Variants in HOOK3 observed in about 807,000 individuals in gnomAD.
HOOK3 encodes hook microtubule tethering protein 3, also known as protein Hook homolog 3.
HOOK3 carries 24 observed loss-of-function variants against 116.3 expected under a neutral mutation model. The observed-to-expected ratio is 0.21, with a 90% CI of 0.15 to 0.29. The LOEUF (loss-of-function observed/expected upper bound fraction) is 0.29, where lower values mean the gene tolerates loss of function less well. Among genes scored for constraint, HOOK3 ranks in the 10% least tolerant of loss-of-function variants. HOOK3 has a pLI of 1.00. For synonymous variants in HOOK3, 275 were observed against 283.0 expected (o/e 0.97, Z 0.28); for missense variants, 632 against 830.2 (o/e 0.76, Z 2.93).
At chr8:43,004,904 T>C (rs987075127) in intron 17 of HOOK3, among the ~76,000 whole-genome samples, 1 of 151,962 alleles carries the variant, frequency 6.6e-6, no homozygotes, top group African/African-American at 2.4e-5. Context: ...CCTAGAAATA[T>C]TGTCCGTGCA....
Position 43,025,687 on chromosome 8 carries a change from G to A in HOOK3, c.*7189G>A, listed in dbSNP as rs934098019. The A allele has an allele frequency of 2.3e-5, 5 of 213,928 alleles. No individual in the cohort carries two copies. The highest frequency in any genetic ancestry group is 6.8e-5 in the African/African-American group (3 of 44,240). 13.3% of individuals were successfully genotyped at this position (213,928 alleles called of 1,614,324 possible). On this transcript the variant is annotated 3_prime_UTR_variant, in exon 22 of 22. Transcript: ENST00000307602. Reference sequence around the variant, plus strand: ...AAAGCTGAGAAAGTGATTTTAGGTCGCCAAGGATACTATGATTTGATGAGA... The same window carrying A: ...AAAGCTGAGAAAGTGATTTTAGGTCACCAAGGATACTATGATTTGATGAGA...
intron 15 of HOOK3, chr8:42,994,329 A>C (rs1049433041): frequency 2.4e-5 from 7 of 290,854 alleles, no homozygotes; most frequent in African/African-American, 1.1e-4. Context: ...TCTTATCTTT[A>C]TTATTTCTTC....
intron 16 of HOOK3, among the ~76,000 whole-genome samples, chr8:42,999,648 T>C (rs1809342956): frequency 6.6e-6 from 1 of 152,182 alleles, no homozygotes; most frequent in Admixed American, 6.5e-5. Flanking sequence ...AGCACAGTCC[T>C]TTCATGTGAT....
chr8:42,976,286 G>A (rs558319365), intron 13 of HOOK3, among the ~76,000 whole-genome samples: 5 of 151,922 alleles, frequency 3.3e-5, no homozygotes, highest in African/African-American at 1.2e-4. Flanking sequence ...TGGACAGAGG[G>A]CTTGAGTTCA....
intron 2 of HOOK3, among the ~76,000 whole-genome samples, chr8:42,922,626 T>C (rs1021909283): frequency 2.6e-5 from 4 of 151,616 alleles, no homozygotes; most frequent in African/African-American, 7.3e-5. Flanking sequence ...TGGCCGGGCA[T>C]AGTGGCTCAA....
rs1465742810 is a variant in HOOK3, at chr8:43,019,919, G to A, written c.*1421G>A. 1 of 202,262 alleles carries A rather than the reference G, an allele frequency of 4.9e-6. No individual in the cohort carries two copies. Among genetic ancestry groups the A allele is most frequent in the African/African-American group, 2.3e-5 (1 of 43,660 alleles). The allele number at this position is 202,262 out of a possible 1,614,324, so 12.5% of individuals were successfully genotyped here. On this transcript the variant is annotated 3_prime_UTR_variant, in exon 22 of 22. Coordinates refer to ENST00000307602, the MANE Select transcript of HOOK3 (RefSeq NM_032410.4). ...TTAGGTTAGGTCACTTAATATAGGA[G>A]GATGTTTTCTCATGTACTTGCTATT...
At chr8:42,992,437 G>A (rs1261333245) in intron 15 of HOOK3, among the ~76,000 whole-genome samples, 1 of 146,048 alleles carries the variant, frequency 6.8e-6, no homozygotes, top group African/African-American at 2.5e-5. Context: ...CTGATTTTTG[G>A]CCAGGTGCGG....
intron 8 of HOOK3, among the ~76,000 whole-genome samples, chr8:42,960,167 T>C (rs1449387134): frequency 1.3e-5 from 2 of 152,256 alleles, no homozygotes; most frequent in Non-Finnish European, 2.9e-5. Flanking sequence ...TAATATAAAA[T>C]TAAATTTGTA....
At chr8:42,987,319 T>G (rs1809066229) in intron 15 of HOOK3, among the ~76,000 whole-genome samples, 1 of 152,232 alleles carries the variant, frequency 6.6e-6, no homozygotes, top group South Asian at 2.1e-4. Context: ...TAGAATGGTG[T>G]TGTCCTCTTT....
intron 15 of HOOK3, among the ~76,000 whole-genome samples, chr8:42,992,473 T>C (rs1358878114): frequency 6.8e-6 from 1 of 147,968 alleles, no homozygotes; most frequent in Non-Finnish European, 1.5e-5. Context: ...ATCCCAGCAC[T>C]TTGGGAGGCT....
chr8:42,934,141 C>T (rs1017726074), intron 4 of HOOK3, among the ~76,000 whole-genome samples: 1 of 151,870 alleles, frequency 6.6e-6, no homozygotes, highest in Admixed American at 6.6e-5. Flanking sequence ...ATTGAACCGC[C>T]TGGGTTAATC....
At chr8:42,899,009 CAG>C (rs1372370646) in intron 1 of HOOK3, among the ~76,000 whole-genome samples, 1 of 152,132 alleles carries the variant, frequency 6.6e-6, no homozygotes, top group Non-Finnish European at 1.5e-5. Context: ...TATGGGCACT[CAG>C]AGTATGGTTT....
intron 17 of HOOK3, among the ~76,000 whole-genome samples, chr8:43,004,314 C>T (rs1057399719): frequency 4.0e-5 from 6 of 150,178 alleles, no homozygotes; most frequent in Admixed American, 1.3e-4. Flanking sequence ...TTGCAGTGAG[C>T]CGAGATCACA....
At chr8:43,004,825 T>C (rs1402943533) in intron 17 of HOOK3, among the ~76,000 whole-genome samples, 1 of 152,086 alleles carries the variant, frequency 6.6e-6, no homozygotes, top group Non-Finnish European at 1.5e-5. Context: ...CATACATCAG[T>C]CTGCTTAGTA....
chr8:42,957,858 C>G (rs1002724719), intron 7 of HOOK3, among the ~76,000 whole-genome samples: 5 of 138,896 alleles, frequency 3.6e-5, no homozygotes, highest in African/African-American at 1.4e-4. Context: ...GACACGGAGT[C>G]TTGGTCTATC....
rs1438644198 is a variant in HOOK3 at position 42,917,105 on chromosome 8, C to CA, written c.144-8451dup. Among the ~76,000 whole-genome samples, 5 of 152,190 alleles carry CA rather than the reference C, an allele frequency of 3.3e-5. No homozygotes were observed. In the East Asian group the frequency reaches 9.6e-4, roughly 29 times the overall value. ...AGTTGGATAATTTGTTAGAATGACT[C>CA]ACAGCACTCCAGAAAGCACTATAAT... On this transcript the variant is annotated intron_variant, in intron 2 of 21. Transcript: ENST00000307602.
intron 2 of HOOK3, among the ~76,000 whole-genome samples, chr8:42,924,159 T>A (rs1389478886): frequency 6.6e-6 from 1 of 151,892 alleles, no homozygotes; most frequent in Admixed American, 6.6e-5. Flanking sequence ...GCAGTTGTGG[T>A]GTTATGGAAA....
intron 10 of HOOK3, among the ~76,000 whole-genome samples, chr8:42,966,969 G>A (rs1168834932): frequency 6.6e-6 from 1 of 151,992 alleles, no homozygotes; most frequent in African/African-American, 2.4e-5. Context: ...TTTTCTTGCT[G>A]GGCCTTGTTA....
intron 11 of HOOK3, among the ~76,000 whole-genome samples, chr8:42,971,475 G>A (rs1178325288): frequency 6.6e-6 from 1 of 151,358 alleles, no homozygotes; most frequent in African/African-American, 2.4e-5. Context: ...CACTATGTTG[G>A]CCAGGCTGGT....
Sources: gnomAD v4.1 joint callset for allele counts (sites outside exome capture counted in the v4.1 genomes callset) on GRCh38, gnomAD v4.1.1 for gene constraint, MANE v1.5 for transcripts, NCBI Gene and HGNC (gene_info 2026-07-23, HGNC 2026-07-21) for gene names.